Variants in FAM171B observed in about 807,000 individuals in gnomAD.
The protein encoded by FAM171B is family with sequence similarity 171 member B, also known as protein FAM171B.
Under a neutral mutation model 75.6 loss-of-function variants are expected in FAM171B, and 19 were observed. The ratio of observed to expected loss-of-function variants is 0.25; its 90% CI spans 0.18 to 0.37. The LOEUF is 0.37. Among genes scored for constraint, FAM171B ranks in the 10% least tolerant of loss-of-function variants. The pLI, the probability that FAM171B is intolerant of heterozygous loss-of-function variation, is 1.00. For synonymous variants in FAM171B, 367 were observed against 361.7 expected, an observed-to-expected ratio of 1.01 and a Z score of -0.17; for missense variants, 848 against 982.4, an observed-to-expected ratio of 0.86 and a Z score of 1.83.
intron 3 of FAM171B, among the ~76,000 whole-genome samples, chr2:186,744,923 T>G (rs533529820): frequency 6.7e-6 from 1 of 149,998 alleles, no homozygotes; most frequent in African/African-American, 2.5e-5. Context: ...TTCTACCTCC[T>G]GGACTCAAGT....
intron 1 of FAM171B, among the ~76,000 whole-genome samples, chr2:186,737,779 A>G (rs1475706985): frequency 3.3e-5 from 5 of 152,258 alleles, no homozygotes; most frequent in Non-Finnish European, 7.3e-5. Context: ...GCCATGCAGT[A>G]GTGGCATTTT....
At chr2:186,738,585 G>A (rs779707613) in intron 1 of FAM171B, among the ~76,000 whole-genome samples, 9 of 152,134 alleles carry the variant, frequency 5.9e-5, no homozygotes, top group African/African-American at 9.7e-5. Flanking sequence ...CACTCTGGTC[G>A]TGGACTCTGT....
chr2:186,710,957 T>A (rs1318147398), intron 1 of FAM171B, among the ~76,000 whole-genome samples: 1 of 152,126 alleles, frequency 6.6e-6, no homozygotes, highest in African/African-American at 2.4e-5. Context: ...GGAGTTTTCA[T>A]CTCTAAAAGC....
chr2:186,707,841 T>TA (rs11352829), intron 1 of FAM171B, among the ~76,000 whole-genome samples: 43 of 144,330 alleles, frequency 3.0e-4, no homozygotes, highest in Middle Eastern at 3.6e-3. Flanking sequence ...TTTTTTTTTT[T>TA]AAAAAAAAAA....
In FAM171B at chr2:186,736,568, GAGA is replaced by G. The variant is rs1346470369; in HGVS notation, c.239-3659_239-3657del. Among the ~76,000 whole-genome samples the G allele has an allele frequency of 8.5e-4, 68 of 80,020 alleles. 1 individual carries two copies. Among genetic ancestry groups the G allele is most frequent in the East Asian group, 4.4e-3 (5 of 1,148 alleles). The allele number at this position is 80,020 out of a possible 152,430, so 52.5% of individuals were successfully genotyped here. On this transcript the variant is annotated intron_variant, in intron 1 of 7. Coordinates refer to ENST00000304698, the MANE Select transcript of FAM171B (RefSeq NM_177454.4). ...TGTGTGTGTGTGTGTGTGTGTGTGG[GAGA>G]GAGAGAGAGAGAGAGAGAATGAGAA...
At chr2:186,757,588 A>G (rs186360768) in intron 6 of FAM171B, among the ~76,000 whole-genome samples, 42 of 152,320 alleles carry the variant, frequency 2.8e-4, no homozygotes, top group Admixed American at 2.1e-3. Context: ...TGGAAAAAAT[A>G]TTAAGTGCAA....
chr2:186,725,475 G>C (rs777282048), intron 1 of FAM171B, among the ~76,000 whole-genome samples: 1 of 152,106 alleles, frequency 6.6e-6, no homozygotes, highest in Admixed American at 6.6e-5. Flanking sequence ...GTCATACCAT[G>C]CCTCAGCGCA....
chr2:186,714,520 C>A (rs887723637), intron 1 of FAM171B, among the ~76,000 whole-genome samples: 3 of 152,144 alleles, frequency 2.0e-5, no homozygotes, highest in African/African-American at 7.2e-5. Flanking sequence ...CAGGATCCAT[C>A]AGGAGTTTAC....
chr2:186,743,985 G>A (rs1331232263), intron 3 of FAM171B, among the ~76,000 whole-genome samples: 2 of 152,144 alleles, frequency 1.3e-5, no homozygotes. Context: ...AGATGCCTAA[G>A]ACTTGGTAGT....
chr2:186,750,719 C>A (rs548327929), intron 4 of FAM171B, among the ~76,000 whole-genome samples: 23 of 152,156 alleles, frequency 1.5e-4, no homozygotes, highest in Non-Finnish European at 3.1e-4. Context: ...TTCTAGCACT[C>A]CTTGAAACAG....
At chr2:186,702,171 T>C (rs1689671383) in intron 1 of FAM171B, among the ~76,000 whole-genome samples, 1 of 152,210 alleles carries the variant, frequency 6.6e-6, no homozygotes, top group South Asian at 2.1e-4. Context: ...TAGAGTGTAC[T>C]TACACAAGCC....
intron 1 of FAM171B, among the ~76,000 whole-genome samples, chr2:186,730,407 G>A (rs913433153): frequency 6.6e-6 from 1 of 152,242 alleles, no homozygotes; most frequent in African/African-American, 2.4e-5. Flanking sequence ...ATGTATGTAT[G>A]TATGTATAAA....
At chr2:186,696,457 T>TAA (rs3029382) in intron 1 of FAM171B, among the ~76,000 whole-genome samples, 89,865 of 129,518 alleles carry the variant, frequency 0.69, 31,288 homozygotes, top group East Asian at 0.87. Context: ...TAGCGATCTT[T>TAA]AAAAAAAAAA....
chr2:186,744,387 A>G (rs1480278730), intron 3 of FAM171B, among the ~76,000 whole-genome samples: 1 of 152,224 alleles, frequency 6.6e-6, no homozygotes, highest in Non-Finnish European at 1.5e-5. Context: ...CTATTCCTAA[A>G]ATATTCAACC....
At position 186,764,099 on chromosome 2, in the gene FAM171B, G is replaced by A. The variant is rs1376432592; in HGVS notation, c.*1276G>A. ...TCATACATCCTAAAAATAAAAGCTC[G>A]TTATTCATTAAAATCAACTGATCCC... On this transcript the variant is annotated 3_prime_UTR_variant, in exon 8 of 8. Transcript: ENST00000304698. 3 of 151,906 alleles carry A rather than the reference G, an allele frequency of 2.0e-5. No homozygotes were observed. Among genetic ancestry groups the A allele is most frequent in the African/African-American group, 4.8e-5 (2 of 41,362 alleles). The allele number at this position is 151,906 out of a possible 1,614,324, so 9.4% of individuals were successfully genotyped here.
intron 1 of FAM171B, among the ~76,000 whole-genome samples, chr2:186,731,647 C>T (rs1481730992): frequency 6.6e-6 from 1 of 152,186 alleles, no homozygotes; most frequent in East Asian, 1.9e-4. Context: ...TATATCGGGT[C>T]TGAAACCCCT....
chr2:186,754,013 G>T lies in FAM171B; in HGVS notation c.976G>T (p.Gly326Trp). The change falls in exon 6 of 8, where the codon GGG becomes TGG. Residue 326 changes from glycine to tryptophan, a missense_variant. Physicochemically the swap from Gly to Trp is radical, Grantham distance 184. Coordinates refer to ENST00000304698, the MANE Select transcript of FAM171B (RefSeq NM_177454.4). ...CTGGACATATGATGCACCACATTTG[G>T]GGTACTGGATAGCAGCTCCACTTCC... ...LIWTYDAPHL[G>W]YWIAAPLPGT... is the part of the protein sequence containing the mutation. The T allele has an allele frequency of 6.2e-7, 1 of 1,611,430 alleles. No homozygotes were observed. The highest frequency in any genetic ancestry group is 1.1e-5 in the South Asian group (1 of 90,374).
chr2:186,754,476 C>T (rs549517336), intron 6 of FAM171B, among the ~76,000 whole-genome samples: 2 of 152,282 alleles, frequency 1.3e-5, no homozygotes, highest in East Asian at 3.9e-4. Flanking sequence ...CCTTGCCGTG[C>T]CAGATGGCCT....
intron 1 of FAM171B, among the ~76,000 whole-genome samples, chr2:186,704,594 T>C (rs1346444938): frequency 6.6e-6 from 1 of 152,174 alleles, no homozygotes; most frequent in Admixed American, 6.5e-5. Flanking sequence ...TTACAAAGTC[T>C]CATAAAACTG....
Sources: gnomAD v4.1 joint callset for allele counts (sites outside exome capture counted in the v4.1 genomes callset) on GRCh38, gnomAD v4.1.1 for gene constraint, MANE v1.5 for transcripts, NCBI Gene and HGNC (gene_info 2026-07-23, HGNC 2026-07-21) for gene names.